Variants in GRM8 observed in about 807,000 individuals in gnomAD.
The protein encoded by GRM8 is metabotropic glutamate receptor 8.
GRM8 carries 47 observed loss-of-function variants against 87.2 expected under a neutral mutation model. That is an observed-to-expected ratio of 0.54 (90% CI 0.43 to 0.69). The LOEUF (loss-of-function observed/expected upper bound fraction) is 0.69, where lower values mean the gene tolerates loss of function less well. GRM8 is among the 30% of genes least tolerant of loss of function. GRM8 has a pLI of 0.00. For missense variants in GRM8, 1,019 were observed against 1,139.2 expected (o/e 0.89, Z 1.52); for synonymous variants, 396 against 404.5 (o/e 0.98, Z 0.25).
At chr7:126,527,390 T>C (rs1419196931) in intron 9 of GRM8, among the ~76,000 whole-genome samples, 1 of 152,118 alleles carries the variant, frequency 6.6e-6, no homozygotes, top group Non-Finnish European at 1.5e-5. Flanking sequence ...AAATGGTATA[T>C]AGTTTACCAA....
At chr7:126,459,988 C>G (rs989811421) in intron 9 of GRM8, among the ~76,000 whole-genome samples, 1 of 151,502 alleles carries the variant, frequency 6.6e-6, no homozygotes, top group South Asian at 2.1e-4. Flanking sequence ...TAGATCCTGA[C>G]AGCCCTAGAC....
chr7:126,694,298 T>C (rs755697083), intron 7 of GRM8, among the ~76,000 whole-genome samples: 2 of 152,128 alleles, frequency 1.3e-5, no homozygotes, highest in Non-Finnish European at 2.9e-5. Context: ...AAACTGAAAC[T>C]TGTTAATGAA....
chr7:127,047,460 C>G (rs1262923026), intron 3 of GRM8, among the ~76,000 whole-genome samples: 2 of 151,984 alleles, frequency 1.3e-5, no homozygotes, highest in Non-Finnish European at 2.9e-5. Context: ...TTACATTTCT[C>G]TCTTTCCTCT....
At chr7:126,584,650 C>T (rs533460389) in intron 8 of GRM8, among the ~76,000 whole-genome samples, 2 of 152,290 alleles carry the variant, frequency 1.3e-5, no homozygotes, top group South Asian at 2.1e-4. Context: ...AAACTCCTAA[C>T]TTTACAAACA....
chr7:126,690,285 C>T (rs1387958505), intron 7 of GRM8, among the ~76,000 whole-genome samples: 7 of 152,212 alleles, frequency 4.6e-5, no homozygotes, highest in East Asian at 1.9e-4. Context: ...AAGGCAGGCA[C>T]GGAGTGGTGA....
intron 6 of GRM8, among the ~76,000 whole-genome samples, chr7:126,860,992 C>T (rs570619738): frequency 1.3e-5 from 2 of 152,278 alleles, no homozygotes; most frequent in African/African-American, 4.8e-5. Flanking sequence ...GTGACTCCCA[C>T]AATCACTGTA....
chr7:126,813,935 C>T (rs1793532111), intron 6 of GRM8, among the ~76,000 whole-genome samples: 1 of 152,072 alleles, frequency 6.6e-6, no homozygotes, highest in Non-Finnish European at 1.5e-5. Flanking sequence ...TTATTACTCA[C>T]AATTTTCTAG....
At chr7:126,867,966 T>C (rs533600014) in intron 6 of GRM8, among the ~76,000 whole-genome samples, 2 of 152,178 alleles carry the variant, frequency 1.3e-5, no homozygotes, top group Non-Finnish European at 2.9e-5. Context: ...TATCATAAAA[T>C]GTTAATCAGA....
At chr7:127,197,822 G>A in intron 2 of GRM8, among the ~76,000 whole-genome samples, 1 of 152,080 alleles carries the variant, frequency 6.6e-6, no homozygotes, top group East Asian at 1.9e-4. Context: ...AAATGATGTG[G>A]GGCACAGAAA....
chr7:126,825,437 T>C (rs1033470117), intron 6 of GRM8, among the ~76,000 whole-genome samples: 1 of 152,190 alleles, frequency 6.6e-6, no homozygotes, highest in Non-Finnish European at 1.5e-5. Flanking sequence ...TTGTTATACC[T>C]AACTAACAAT....
At chr7:126,813,899 T>C (rs2151745534) in intron 6 of GRM8, among the ~76,000 whole-genome samples, 2 of 152,244 alleles carry the variant, frequency 1.3e-5, no homozygotes, top group Middle Eastern at 3.4e-3. Flanking sequence ...TAATGCATTG[T>C]CCCTTACTCA....
intron 3 of GRM8, among the ~76,000 whole-genome samples, chr7:127,074,029 T>G (rs1033071947): frequency 2.6e-5 from 4 of 152,250 alleles, no homozygotes; most frequent in Non-Finnish European, 5.9e-5. Context: ...TTAGTAGTGC[T>G]GTAATGTTTC....
chr7:127,074,394 A>C (rs574369429), intron 3 of GRM8, among the ~76,000 whole-genome samples: 24 of 152,194 alleles, frequency 1.6e-4, no homozygotes, highest in Non-Finnish European at 3.2e-4. Context: ...GGACAAGGAC[A>C]GCAGAGGGTC....
At chr7:126,459,636 G>A in intron 9 of GRM8, among the ~76,000 whole-genome samples, 1 of 151,442 alleles carries the variant, frequency 6.6e-6, no homozygotes, top group Non-Finnish European at 1.5e-5. Context: ...GAAAATAATG[G>A]TGGGTATCTT....
chr7:126,481,195 A>T (rs1806632704), intron 9 of GRM8, among the ~76,000 whole-genome samples: 1 of 152,130 alleles, frequency 6.6e-6, no homozygotes, highest in Admixed American at 6.6e-5. Context: ...GGATAATTCC[A>T]ATTAGTGAAC....
intron 8 of GRM8, among the ~76,000 whole-genome samples, chr7:126,555,094 G>C (rs1458645603): frequency 6.6e-6 from 1 of 152,032 alleles, no homozygotes; most frequent in Non-Finnish European, 1.5e-5. Context: ...ACAAAACAAA[G>C]AACATAAATA....
intron 3 of GRM8, among the ~76,000 whole-genome samples, chr7:126,929,074 G>GA (rs1233981121): frequency 1.3e-5 from 2 of 152,000 alleles, no homozygotes; most frequent in Admixed American, 1.3e-4. Flanking sequence ...AATTGAAGTA[G>GA]AAAAAAGGAG....
At chr7:126,477,142 GA>G (rs1806014158) in intron 9 of GRM8, among the ~76,000 whole-genome samples, 1 of 152,214 alleles carries the variant, frequency 6.6e-6, no homozygotes, top group South Asian at 2.1e-4. Context: ...GGCAGACATA[GA>G]AAAACAAATA....
At chr7:127,234,023 A>G (rs1473378470) in intron 2 of GRM8, among the ~76,000 whole-genome samples, 1 of 152,222 alleles carries the variant, frequency 6.6e-6, no homozygotes, top group East Asian at 1.9e-4. Context: ...AAAGTGTGTT[A>G]TATCAATTAA....
Sources: gnomAD v4.1 joint callset for allele counts (sites outside exome capture counted in the v4.1 genomes callset) on GRCh38, gnomAD v4.1.1 for gene constraint, MANE v1.5 for transcripts, NCBI Gene and HGNC (gene_info 2026-07-23, HGNC 2026-07-21) for gene names.